Variants in CAB39L observed in about 807,000 individuals in gnomAD.
CAB39L encodes the protein calcium-binding protein 39-like.
A neutral mutation model predicts 39.1 loss-of-function variants in CAB39L; 23 were observed. The observed-to-expected ratio is 0.59, with a 90% confidence interval of 0.42 to 0.83. CAB39L has a LOEUF of 0.83. Ranked by LOEUF, CAB39L falls within the 40% of genes least tolerant of loss-of-function variation. CAB39L has a pLI of 0.00. For missense variants in CAB39L, 366 were observed against 391.9 expected (o/e 0.93, Z 0.56); for synonymous variants, 126 against 137.2 (o/e 0.92, Z 0.57).
Position 49,308,720 on chromosome 13 carries a change from T to C in CAB39L, c.*2094A>G, listed in dbSNP as rs998656810. 2.0e-5 allele frequency: 3 copies of C among 152,760 alleles called. No individual in the cohort carries two copies. Among genetic ancestry groups the C allele is most frequent in the Middle Eastern group, 3.4e-3 (1 of 294 alleles). 9.5% of individuals were successfully genotyped at this position (152,760 alleles called of 1,614,324 possible). ...TTTGAAATCACTAAATATGACCTTT[T>C]CAGAATTCAATTCTCACAGTATTTA... is the stretch of plus-strand genomic sequence containing the variant. On this transcript the variant is annotated 3_prime_UTR_variant, in exon 11 of 11. Coordinates refer to ENST00000409308, the MANE Select transcript of CAB39L (RefSeq NM_001079670.3).
intron 5 of CAB39L, among the ~76,000 whole-genome samples, chr13:49,370,334 C>T (rs1032300007): frequency 1.3e-5 from 2 of 152,198 alleles, no homozygotes; most frequent in Non-Finnish European, 2.9e-5. Context: ...ATCTCCCCCA[C>T]TGCCCCAATA....
intron 5 of CAB39L, among the ~76,000 whole-genome samples, chr13:49,374,767 C>A (rs1416571848): frequency 1.3e-5 from 2 of 152,216 alleles, no homozygotes; most frequent in Admixed American, 1.3e-4. Context: ...GGTCACTGAA[C>A]CTGACGACAT....
intron 9 of CAB39L, among the ~76,000 whole-genome samples, chr13:49,335,526 AC>A (rs1223733902): frequency 6.6e-6 from 1 of 152,344 alleles, no homozygotes; most frequent in East Asian, 1.9e-4. Flanking sequence ...ATAAAGCAAT[AC>A]TATACCAAGT....
At chr13:49,332,361 T>G (rs1208847190) in intron 9 of CAB39L, among the ~76,000 whole-genome samples, 1 of 152,178 alleles carries the variant, frequency 6.6e-6, no homozygotes, top group Non-Finnish European at 1.5e-5. Context: ...AGAAATAAAT[T>G]TATGGTTTTC....
At chr13:49,311,354 G>A (rs901330738) in intron 10 of CAB39L, among the ~76,000 whole-genome samples, 4 of 152,222 alleles carry the variant, frequency 2.6e-5, no homozygotes, top group South Asian at 2.1e-4. Context: ...ATTCAAGCCC[G>A]TACAATTATG....
intron 10 of CAB39L, among the ~76,000 whole-genome samples, chr13:49,315,625 C>T (rs9568186): frequency 0.12 from 18,522 of 151,962 alleles, 1,677 homozygotes; most frequent in East Asian, 0.45. Flanking sequence ...CGGTGGCTCA[C>T]GTCTGTAATC....
At chr13:49,318,814 A>T (rs1566405769) in intron 10 of CAB39L, among the ~76,000 whole-genome samples, 1 of 151,860 alleles carries the variant, frequency 6.6e-6, no homozygotes, top group East Asian at 1.9e-4. Flanking sequence ...CATTGTTCAA[A>T]CAAAAACTTG....
chr13:49,409,778 A>C (rs1015783283), intron 3 of CAB39L, among the ~76,000 whole-genome samples: 2 of 152,122 alleles, frequency 1.3e-5, no homozygotes, highest in East Asian at 3.9e-4. Context: ...TGGTCTTATC[A>C]GAAAACCCAC....
chr13:49,435,190 C>T (rs937844306), intron 1 of CAB39L, among the ~76,000 whole-genome samples: 2 of 152,168 alleles, frequency 1.3e-5, no homozygotes, highest in Non-Finnish European at 2.9e-5. Context: ...AAGACGGTGA[C>T]TTGGAAGGGG....
chr13:49,331,577 G>A (rs933421684), intron 10 of CAB39L, among the ~76,000 whole-genome samples: 13 of 152,064 alleles, frequency 8.5e-5, no homozygotes, highest in African/African-American at 3.1e-4. Flanking sequence ...AGTAGTACCC[G>A]ACTGTGTCTT....
chr13:49,323,176 C>T (rs1954401386), intron 10 of CAB39L, among the ~76,000 whole-genome samples: 1 of 152,160 alleles, frequency 6.6e-6, no homozygotes, highest in Admixed American at 6.5e-5. Flanking sequence ...AAGTCATTTA[C>T]CTGATGACAT....
At chr13:49,443,953 C>A (rs1314625168) in intron 1 of CAB39L, 33 bp downstream of exon 1, 1 of 456,824 alleles carries the variant, frequency 2.2e-6, no homozygotes, top group Non-Finnish European at 4.4e-6. Flanking sequence ...AGCCCAGTCC[C>A]AGCCACACAC....
At chr13:49,388,648 C>T (rs992135731) in intron 3 of CAB39L, among the ~76,000 whole-genome samples, 2 of 151,970 alleles carry the variant, frequency 1.3e-5, no homozygotes, top group African/African-American at 4.8e-5. Flanking sequence ...AAAATTAATG[C>T]TAAAAAATCA....
At chr13:49,344,521 AT>A (rs369905242) in intron 7 of CAB39L, among the ~76,000 whole-genome samples, 325 of 135,950 alleles carry the variant, frequency 2.4e-3, no homozygotes, top group Non-Finnish European at 2.9e-3. Context: ...AGATGAGTTA[AT>A]TTTTTTTTTT....
intron 7 of CAB39L, among the ~76,000 whole-genome samples, chr13:49,345,435 T>C (rs751451914): frequency 2.6e-5 from 4 of 151,952 alleles, no homozygotes; most frequent in African/African-American, 9.7e-5. Context: ...ATGGTGTTTT[T>C]CCCCCCCAGT....
chr13:49,413,273 G>A (rs1957027940), intron 3 of CAB39L, among the ~76,000 whole-genome samples: 1 of 152,154 alleles, frequency 6.6e-6, no homozygotes, highest in South Asian at 2.1e-4. Context: ...GATTACCTAA[G>A]TGAGGAAAGA....
chr13:49,336,233 A>C lies in CAB39L; in HGVS notation c.690+3444T>G, dbSNP rs78699254. On this transcript the variant is annotated intron_variant, in intron 9 of 10. Coordinates refer to ENST00000409308, the MANE Select transcript of CAB39L (RefSeq NM_001079670.3). Reference sequence around the variant, plus strand: ...TGTTTGCTTGAACAGAGTGATGCAAAACCATTTTGGCAACATCTCTTCCTA... The same window carrying C: ...TGTTTGCTTGAACAGAGTGATGCAACACCATTTTGGCAACATCTCTTCCTA... Among the ~76,000 whole-genome samples, 1,715 of 152,258 alleles carry C rather than the reference A, an allele frequency of 0.011. 66 individuals carry two copies. The East Asian group carries it at 0.14, about 12-fold the overall frequency.
intron 5 of CAB39L, among the ~76,000 whole-genome samples, chr13:49,360,214 C>G (rs935573967): frequency 6.6e-6 from 1 of 152,158 alleles, no homozygotes; most frequent in Non-Finnish European, 1.5e-5. Flanking sequence ...GGAAGGAAAA[C>G]AGAAGAAGAA....
intron 5 of CAB39L, among the ~76,000 whole-genome samples, chr13:49,360,287 T>A (rs544461644): frequency 1.3e-5 from 2 of 152,394 alleles, no homozygotes; most frequent in South Asian, 4.1e-4. Flanking sequence ...TACTTTCTAG[T>A]ATTTTTTGCT....
Sources: gnomAD v4.1 joint callset for allele counts (sites outside exome capture counted in the v4.1 genomes callset) on GRCh38, gnomAD v4.1.1 for gene constraint, MANE v1.5 for transcripts, NCBI Gene and HGNC (gene_info 2026-07-23, HGNC 2026-07-21) for gene names.